The following DCBLD2 variants were observed in gnomAD, a reference collection of about 807,000 sequenced individuals.
DCBLD2 encodes the protein discoidin, CUB and LCCL domain containing 2, also known as discoidin, CUB and LCCL domain-containing protein 2.
In DCBLD2, 54 loss-of-function variants were observed where a neutral mutation model predicts 86.8. The ratio of observed to expected loss-of-function variants is 0.62; its 90% CI spans 0.50 to 0.78. The LOEUF is 0.78. Among genes scored for constraint, DCBLD2 ranks in the 30% least tolerant of loss-of-function variants. The pLI, the probability that DCBLD2 is intolerant of heterozygous loss-of-function variation, is 0.00. For missense variants in DCBLD2, 908 were observed against 954.2 expected, an observed-to-expected ratio of 0.95 and a Z score of 0.64; for synonymous variants, 354 against 341.3, an observed-to-expected ratio of 1.04 and a Z score of -0.41.
intron 2 of DCBLD2, among the ~76,000 whole-genome samples, chr3:98,869,431 C>T (rs894137990): frequency 6.6e-6 from 1 of 152,156 alleles, no homozygotes; most frequent in Non-Finnish European, 1.5e-5. Context: ...TTTTGCTGTA[C>T]AAAGCTTTTC....
intron 1 of DCBLD2, among the ~76,000 whole-genome samples, chr3:98,895,871 T>C (rs1330784817): frequency 6.6e-6 from 1 of 152,222 alleles, no homozygotes; most frequent in Non-Finnish European, 1.5e-5. Flanking sequence ...CTGAGGTACA[T>C]GCACACTCTC....
chr3:98,901,186 C>T lies in DCBLD2; in HGVS notation c.141G>A (p.Met47Ile). Residue 47 changes from methionine to isoleucine, a missense_variant, in exon 1 of 16, where the codon ATG (methionine) becomes ATA (isoleucine). This residue lies in a region of DCBLD2 where 294 missense variants were observed against 256.0 expected (regional missense o/e 1.15). Coordinates refer to ENST00000326840, the MANE Select transcript of DCBLD2 (RefSeq NM_080927.4). ...PPCSNSSSFS[M>I]PLFLLLLLVL... ...CAAGTAAGAGCAGGAGGAACAGAGG[C>T]ATGGAGAAGGAGGAGGAGTTGGAGC... The T allele has an allele frequency of 6.5e-7, 1 of 1,537,422 alleles. No individual in the cohort carries two copies.
intron 14 of DCBLD2, among the ~76,000 whole-genome samples, chr3:98,801,115 G>A (rs1009773457): frequency 6.6e-6 from 1 of 152,216 alleles, no homozygotes; most frequent in African/African-American, 2.4e-5. Context: ...AGACTGGGAA[G>A]TGAGAAACTG....
At chr3:98,877,375 T>C (rs983055598) in intron 2 of DCBLD2, among the ~76,000 whole-genome samples, 1 of 152,140 alleles carries the variant, frequency 6.6e-6, no homozygotes, top group Non-Finnish European at 1.5e-5. Flanking sequence ...TCAGTTCGAG[T>C]CATGGGTTAG....
chr3:98,860,463 G>A (rs1335626777), intron 2 of DCBLD2, among the ~76,000 whole-genome samples: 1 of 152,128 alleles, frequency 6.6e-6, no homozygotes, highest in South Asian at 2.1e-4. Flanking sequence ...AATGATGAGA[G>A]CAGCCAGAGA....
intron 1 of DCBLD2, among the ~76,000 whole-genome samples, chr3:98,894,072 CG>C (rs1477241389): frequency 1.3e-5 from 2 of 152,176 alleles, no homozygotes; most frequent in African/African-American, 4.8e-5. Flanking sequence ...TCCAAGATCA[CG>C]GAAAGAGCAT....
chr3:98,816,241 C>CAAAAAAAA (rs561666419), intron 9 of DCBLD2: 1 of 97,976 alleles, frequency 1.0e-5, no homozygotes, highest in Non-Finnish European at 2.2e-5. Flanking sequence ...AAGGAAAAAC[C>CAAAAAAAA]AAAAAAAAAA....
chr3:98,839,055 C>A (rs1388962400), intron 3 of DCBLD2, among the ~76,000 whole-genome samples: 1 of 150,000 alleles, frequency 6.7e-6, no homozygotes, highest in East Asian at 1.9e-4. Flanking sequence ...GGAGAGGGAG[C>A]CTTGGGATCC....
intron 3 of DCBLD2, among the ~76,000 whole-genome samples, chr3:98,845,287 G>A (rs1360534839): frequency 6.6e-6 from 1 of 152,090 alleles, no homozygotes; most frequent in African/African-American, 2.4e-5. Flanking sequence ...GAGGACTCCA[G>A]GTAGAGAGCC....
chr3:98,890,126 T>TC (rs1384818519), intron 1 of DCBLD2, among the ~76,000 whole-genome samples: 3 of 152,060 alleles, frequency 2.0e-5, no homozygotes, highest in African/African-American at 7.2e-5. Context: ...AGACACATGT[T>TC]CAAGTCCTAA....
At chr3:98,831,436 T>C (rs1429758752) in intron 3 of DCBLD2, among the ~76,000 whole-genome samples, 1 of 152,204 alleles carries the variant, frequency 6.6e-6, no homozygotes, top group African/African-American at 2.4e-5. Context: ...ACCTTTTGAA[T>C]GTTTTTCTGC....
chr3:98,876,447 G>A (rs577814467), intron 2 of DCBLD2, among the ~76,000 whole-genome samples: 5 of 87,108 alleles, frequency 5.7e-5, no homozygotes, highest in Admixed American at 2.0e-4. Context: ...AAAAAAGGCC[G>A]TCAACATATG....
rs142329633 is a variant in DCBLD2 at position 98,853,911 on chromosome 3, C to T, written c.434-4313G>A. 1.7e-3 allele frequency among the ~76,000 whole-genome samples: 264 copies of T among 152,296 alleles called. 1 individual carries two copies. Among genetic ancestry groups the T allele is most frequent in the African/African-American group, 5.8e-3 (242 of 41,568 alleles). On this transcript the variant is annotated intron_variant, in intron 2 of 15. Coordinates refer to ENST00000326840, the MANE Select transcript of DCBLD2 (RefSeq NM_080927.4). ...TAGAACAAAAGCACATCAGCTCTGC[C>T]CACTTTCAGTGGAGGGAAATGAAGC... is the stretch of plus-strand genomic sequence containing the variant.
Position 98,823,894 on chromosome 3 carries a change from C to G in DCBLD2, c.624-1153G>C, listed in dbSNP as rs557786356. On this transcript the variant is annotated intron_variant, in intron 4 of 15. Transcript: ENST00000326840. Reference sequence around the variant, plus strand: ...TCTTATGCAGGACTCTGTACCGCCCCCAGTCAGGGAATGGGGGTGGCAGGA... The same window carrying G: ...TCTTATGCAGGACTCTGTACCGCCCGCAGTCAGGGAATGGGGGTGGCAGGA... Among the ~76,000 whole-genome samples the G allele has an allele frequency of 1.2e-4, 19 of 152,184 alleles. No homozygotes were observed. In the South Asian group the frequency reaches 3.3e-3, roughly 27 times the overall value.
At chr3:98,865,286 TA>T (rs904317799) in intron 2 of DCBLD2, among the ~76,000 whole-genome samples, 43 of 147,528 alleles carry the variant, frequency 2.9e-4, no homozygotes, top group East Asian at 2.6e-3. Flanking sequence ...CAGCCTGTAT[TA>T]AAAAAAAAAG....
intron 12 of DCBLD2, among the ~76,000 whole-genome samples, chr3:98,810,902 T>A (rs1215828682): frequency 1.3e-5 from 2 of 152,160 alleles, no homozygotes; most frequent in African/African-American, 4.8e-5. Flanking sequence ...ATATTGTATT[T>A]CTAAGCCTGA....
At chr3:98,832,761 C>A (rs1942346572) in intron 3 of DCBLD2, among the ~76,000 whole-genome samples, 1 of 152,136 alleles carries the variant, frequency 6.6e-6, no homozygotes, top group South Asian at 2.1e-4. Context: ...AAATATAGGT[C>A]CCCAATCTCT....
At chr3:98,852,861 G>C (rs1942865479) in intron 2 of DCBLD2, among the ~76,000 whole-genome samples, 2 of 140,008 alleles carry the variant, frequency 1.4e-5, no homozygotes, top group Admixed American at 1.5e-4. Context: ...GCAATGAACT[G>C]AATTCTACCA....
At chr3:98,800,444 G>T in intron 15 of DCBLD2, 135 bp downstream of exon 15, 1 of 925,698 alleles carries the variant, frequency 1.1e-6, no homozygotes. Context: ...TTTTAAAAAA[G>T]TGGTTCTACC....
Sources: gnomAD v4.1 joint callset for allele counts (sites outside exome capture counted in the v4.1 genomes callset) on GRCh38, gnomAD v4.1.1 for gene constraint, gnomAD v4.1.1 regional missense constraint, MANE v1.5 for transcripts, NCBI Gene and HGNC (gene_info 2026-07-23, HGNC 2026-07-21) for gene names.